Variants in WDR86 observed in about 807,000 individuals in gnomAD.
WDR86 encodes the protein WD repeat-containing protein 86.
WDR86 carries 30 observed loss-of-function variants against 36.5 expected under a neutral mutation model. That is an observed-to-expected ratio of 0.82 (90% CI 0.61 to 1.11). WDR86 has a LOEUF of 1.11. WDR86 is among the 50% of genes most tolerant of loss of function. The pLI, the probability that WDR86 is intolerant of heterozygous loss-of-function variation, is 0.00. For synonymous variants in WDR86, 255 were observed against 252.9 expected (o/e 1.01, Z -0.08); for missense variants, 545 against 561.2 (o/e 0.97, Z 0.29).
rs150996653 is a variant in WDR86 at position 151,386,153 on chromosome 7, G to A, written c.727-930C>T. On this transcript the variant is annotated intron_variant, in intron 3 of 5. Transcript: ENST00000334493. The stretch of plus-strand genomic sequence containing the variant: ...AGGGCATTTCTCCTGTGGTCGGCAG[G>A]CAGTGGGCCCACCGGCAGGCAGTCA... Among the ~76,000 whole-genome samples the A allele has an allele frequency of 4.6e-3, 707 of 152,252 alleles. 13 individuals are homozygous for A. The highest frequency in any genetic ancestry group is 0.016 in the African/African-American group (676 of 41,548).
downstream of WDR86, chr7:151,376,910 C>A: frequency 7.0e-7 from 1 of 1,428,644 alleles, no homozygotes; most frequent in Non-Finnish European, 9.4e-7. Context: ...ACTGAGGGGG[C>A]GTCCCCTGAC....
intron 3 of WDR86, among the ~76,000 whole-genome samples, chr7:151,387,364 C>T (rs1242908437): frequency 1.3e-5 from 2 of 152,160 alleles, no homozygotes; most frequent in Admixed American, 1.3e-4. Flanking sequence ...CTGTGCTTAG[C>T]CCTCCCAGTA....
Position 151,409,474 on chromosome 7 carries a change from G to A in WDR86, c.116C>T (p.Ala39Val), listed in dbSNP as rs934834354. ...GCCGTCCGCGGTGCTCCAGAGCCGG[G>A]CCGTGCCGTCCTCGCTGCCCGTCAG... Reference protein sequence around the residue: ...RLLTGSEDGTARLWSTADGQC... With the variant: ...RLLTGSEDGTVRLWSTADGQC... Residue 39 changes from alanine to valine, a missense_variant, in exon 1 of 6, where the codon GCC becomes GTC. By Grantham distance (64) the Ala-to-Val change is moderately conservative (BLOSUM62 0). Transcript: ENST00000334493. The surrounding 1 kb of genome is among the most constrained non-coding windows in gnomAD (Gnocchi z 5.2). 3.8e-5 allele frequency: 58 copies of A among 1,537,582 alleles called. No individual in the cohort carries two copies. The highest frequency in any genetic ancestry group is 4.5e-5 in the Non-Finnish European group (52 of 1,147,480).
chr7:151,401,502 G>C lies in WDR86; in HGVS notation c.164-1261C>G, dbSNP rs1800287954. Reference sequence around the variant, plus strand: ...ATTCCACATTTCCTCACCTGGGATGGGGACAATGCCTGCCTCACGGGATGT... The same window carrying C: ...ATTCCACATTTCCTCACCTGGGATGCGGACAATGCCTGCCTCACGGGATGT... On this transcript the variant is annotated intron_variant, in intron 1 of 5. Transcript: ENST00000334493. The surrounding 1 kb of genome is among the most constrained non-coding windows in gnomAD (Gnocchi z 4.3). Among the ~76,000 whole-genome samples the C allele has an allele frequency of 6.6e-6, 1 of 152,138 alleles. No homozygotes were observed. The highest frequency in any genetic ancestry group is 1.5e-5 in the Non-Finnish European group (1 of 68,042).
At chr7:151,376,854 C>T, downstream of WDR86, 1 of 1,534,500 alleles carries the variant, frequency 6.5e-7, no homozygotes, top group Non-Finnish European at 8.8e-7. Context: ...AGCAAAGTGT[C>T]TTCAGAAGCC....
downstream of WDR86, chr7:151,374,574 T>A: frequency 2.5e-6 from 1 of 400,178 alleles, no homozygotes; most frequent in Admixed American, 4.0e-5. Context: ...AAAAAGAGAA[T>A]GGGAATTCAA....
rs1465317335 is a variant in WDR86 at position 151,401,026 on chromosome 7, C to T, written c.164-785G>A. Among the ~76,000 whole-genome samples the T allele has an allele frequency of 2.0e-5, 3 of 152,232 alleles. No homozygotes were observed. The highest frequency in any genetic ancestry group is 7.2e-5 in the African/African-American group (3 of 41,448). ...CATGTGACGTATGAACAGGGATGCA[C>T]AGCCACTGTGCATGAGCACCCAGAA... On this transcript the variant is annotated intron_variant, in intron 1 of 5. Transcript: ENST00000334493. The surrounding 1 kb of genome is among the most constrained non-coding windows in gnomAD (Gnocchi z 4.3).
At chr7:151,383,839 G>A (rs542810483) in intron 4 of WDR86, among the ~76,000 whole-genome samples, 1 of 152,340 alleles carries the variant, frequency 6.6e-6, no homozygotes, top group East Asian at 1.9e-4. Context: ...CAAGAACCGA[G>A]CTGGGCAACA....
downstream of WDR86, chr7:151,376,306 G>T (rs1414909712): frequency 1.3e-5 from 6 of 474,674 alleles, no homozygotes; most frequent in Admixed American, 1.8e-4. Context: ...CCACATTTGT[G>T]CCCCTACACG....
intron 3 of WDR86, among the ~76,000 whole-genome samples, chr7:151,391,212 G>C (rs1799411345): frequency 6.6e-6 from 1 of 152,252 alleles, no homozygotes; most frequent in Non-Finnish European, 1.5e-5. Flanking sequence ...GCCACCTGCG[G>C]GGGCGGGGCC....
At chr7:151,375,629 A>G (rs1798181781), downstream of WDR86, among the ~76,000 whole-genome samples, 1 of 152,126 alleles carries the variant, frequency 6.6e-6, no homozygotes, top group South Asian at 2.1e-4. Context: ...AACAGAAGGG[A>G]TCTTTTCCCT....
chr7:151,386,928 G>A (rs1204051874), intron 3 of WDR86, among the ~76,000 whole-genome samples: 3 of 152,204 alleles, frequency 2.0e-5, no homozygotes, highest in African/African-American at 7.2e-5. Flanking sequence ...CTTGTACTGT[G>A]ATCCTCCCTT....
At chr7:151,370,777 A>G in the WDR86 span, among the ~76,000 whole-genome samples, 2 of 145,278 alleles carry the variant, frequency 1.4e-5, no homozygotes, top group African/African-American at 2.6e-5. Context: ...CCCACCTGTG[A>G]GTGAGAATAT....
chr7:151,392,527 A>G (rs547785039), intron 3 of WDR86, among the ~76,000 whole-genome samples: 52 of 152,274 alleles, frequency 3.4e-4, no homozygotes, highest in African/African-American at 1.2e-3. Context: ...GGCCTTGCCC[A>G]TGCCTCCTGC....
chr7:151,389,118 C>CTTTTT (rs34882878), intron 3 of WDR86, among the ~76,000 whole-genome samples: 1 of 125,574 alleles, frequency 8.0e-6, no homozygotes, highest in Non-Finnish European at 1.7e-5. Context: ...CTTTTCTTTC[C>CTTTTT]TTTTTTTTTT....
At position 151,381,851 on chromosome 7, in the gene WDR86, G is replaced by A. The variant is rs1251056664; in HGVS notation, c.966+27C>T. On this transcript the variant is annotated intron_variant, in intron 5 of 5. Coordinates refer to ENST00000334493, the MANE Select transcript of WDR86 (RefSeq NM_198285.3). The surrounding 1 kb of genome is among the most constrained non-coding windows in gnomAD (Gnocchi z 4.8). ...GGGCACCTTCCCTCCCACGGGCGGCGGCCCCGAGAAGGGCAGAGGGACCTA... is the reference window on the plus strand; with the variant it reads ...GGGCACCTTCCCTCCCACGGGCGGCAGCCCCGAGAAGGGCAGAGGGACCTA... 4 of 1,584,698 alleles carry A rather than the reference G, an allele frequency of 2.5e-6. No individual in the cohort carries two copies. In the South Asian group the frequency reaches 4.6e-5, roughly 18 times the overall value.
At chr7:151,378,057 T>C (rs897571158), downstream of WDR86, 1 of 152,238 alleles carries the variant, frequency 6.6e-6, no homozygotes, top group Non-Finnish European at 1.5e-5. Flanking sequence ...TCCAGGTTTT[T>C]TGTGGGTTTT....
At position 151,409,995 on chromosome 7, in the gene WDR86, C is replaced by A. The variant is rs1801096638; in HGVS notation, c.-406G>T. The A allele has an allele frequency of 1.0e-6, 1 of 1,001,694 alleles. No homozygotes were observed. The highest frequency in any genetic ancestry group is 1.2e-6 in the Non-Finnish European group (1 of 841,174). The allele number at this position is 1,001,694 out of a possible 1,614,324, so 62.1% of individuals were successfully genotyped here. ...GGGCGGGGAGAGGAACACGGGAAGCCGAGCGCCCCGCGCCCTCCCCGGCCG... is the reference window on the plus strand; with the variant it reads ...GGGCGGGGAGAGGAACACGGGAAGCAGAGCGCCCCGCGCCCTCCCCGGCCG... On this transcript the variant is annotated 5_prime_UTR_variant, in exon 1 of 6. Coordinates refer to ENST00000334493, the MANE Select transcript of WDR86 (RefSeq NM_198285.3). The surrounding 1 kb of genome is among the most constrained non-coding windows in gnomAD (Gnocchi z 5.2).
At chr7:151,383,178 TG>T (rs61487114) in intron 4 of WDR86, among the ~76,000 whole-genome samples, 7,336 of 58,444 alleles carry the variant, frequency 0.13, 541 homozygotes, top group African/African-American at 0.3. Flanking sequence ...GGCGGCGGGG[TG>T]GGGGGGGGGA....
Sources: allele counts gnomAD v4.1 joint callset (sites outside exome capture counted in the v4.1 genomes callset), GRCh38; gene constraint gnomAD v4.1.1; non-coding constraint Gnocchi (gnomAD v3.1); transcripts MANE v1.5; gene names NCBI Gene and HGNC (gene_info 2026-07-23, HGNC 2026-07-21).